The following SGSM3 variants were observed in gnomAD, a reference collection of about 807,000 sequenced individuals.
The protein encoded by SGSM3 is RUN and SH3 containing 3.
A neutral mutation model predicts 100.5 loss-of-function variants in SGSM3; 96 were observed. The observed-to-expected ratio is 0.96, with a 90% CI of 0.81 to 1.13. The LOEUF is 1.13. Among genes scored for constraint, SGSM3 ranks in the 50% most tolerant of loss-of-function variants. The pLI, the probability that SGSM3 is intolerant of heterozygous loss-of-function variation, is 0.00. For synonymous variants in SGSM3, 483 were observed against 422.8 expected (o/e 1.14, Z -1.75); for missense variants, 1,001 against 1,015.8 (o/e 0.99, Z 0.20).
At chr22:40,380,762 CCT>C (rs2047439826) in intron 1 of SGSM3, among the ~76,000 whole-genome samples, 1 of 151,946 alleles carries the variant, frequency 6.6e-6, no homozygotes, top group Admixed American at 6.6e-5. Context: ...ATAGTAAGAC[CCT>C]CTCTACAACA....
chr22:40,409,417 G>A (rs775206839), intron 20 of SGSM3, 45 bp downstream of exon 20: 2 of 1,571,064 alleles, frequency 1.3e-6, no homozygotes, highest in Non-Finnish European at 1.7e-6. Flanking sequence ...GGGTGGGAAG[G>A]GCTAGCTGGG....
At chr22:40,402,038 TG>T in intron 3 of SGSM3, 100 bp from the exon 4 acceptor site, 1 of 883,034 alleles carries the variant, frequency 1.1e-6, no homozygotes, top group Non-Finnish European at 1.9e-6. Context: ...GCCCGAAGGC[TG>T]GGTGGGATTT....
At position 40,409,846 on chromosome 22, in the gene SGSM3, A is replaced by AG; in HGVS notation, c.*88dup. The AG allele has an allele frequency of 6.6e-7, 1 of 1,522,726 alleles. No homozygotes were observed. The highest frequency in any genetic ancestry group is 2.3e-4 in the Middle Eastern group (1 of 4,310). 94.3% of individuals were successfully genotyped at this position (1,522,726 alleles called of 1,614,324 possible). A position where few individuals can be genotyped will look rare whatever the true frequency, so the allele number is the denominator to read the frequency against. On this transcript the variant is annotated 3_prime_UTR_variant, in exon 22 of 22. Coordinates refer to ENST00000248929, the MANE Select transcript of SGSM3 (RefSeq NM_015705.6). ...AGAGCCCAGGGAAGAGCAGCTCCAG[A>AG]GCCCTGGCCGGGGCCGCGGGATATC...
At chr22:40,372,122 C>CTTTTTTTTT (rs58396730) in intron 1 of SGSM3, among the ~76,000 whole-genome samples, 1 of 65,200 alleles carries the variant, frequency 1.5e-5, no homozygotes, top group Non-Finnish European at 2.7e-5. Context: ...TCCCCCCCCC[C>CTTTTTTTTT]TTTTTTTTTT....
intron 1 of SGSM3, among the ~76,000 whole-genome samples, chr22:40,381,823 GGT>G (rs1491186756): frequency 6.6e-6 from 1 of 152,142 alleles, no homozygotes; most frequent in African/African-American, 2.4e-5. Context: ...AGCCAGGCAT[GGT>G]GGTATATGCC....
chr22:40,404,127 G>GT, intron 4 of SGSM3, 120 bp from the exon 5 acceptor site: 1 of 764,030 alleles, frequency 1.3e-6, no homozygotes. Flanking sequence ...TCTGGATATG[G>GT]TGGGAGAGAG....
At chr22:40,376,249 T>C (rs532124721) in intron 1 of SGSM3, 2 of 128,952 alleles carry the variant, frequency 1.6e-5, no homozygotes, top group East Asian at 4.8e-4. Context: ...GCACCAACAA[T>C]GAAGTTCAAC....
rs144203347 is a variant in SGSM3 at position 40,377,306 on chromosome 22, C to G, written c.-112+6618C>G. On this transcript the variant is annotated intron_variant, in intron 1 of 21. Transcript: ENST00000248929. The stretch of plus-strand genomic sequence containing the variant: ...GTTGAATGACACAGTAACAAAAGTT[C>G]AATAAACAGTTGCAGCTCCTTCATC... 9.8e-3 allele frequency among the ~76,000 whole-genome samples: 1,486 copies of G among 152,280 alleles called. 15 individuals are homozygous for G. Among genetic ancestry groups the G allele is most frequent in the South Asian group, 0.025 (119 of 4,822 alleles).
At position 40,409,322 on chromosome 22, in the gene SGSM3, C is replaced by G. The variant is rs759009248; in HGVS notation, c.2061C>G (p.Pro687=). The change falls in exon 20 of 22, where the codon CCC becomes CCG. Residue 687 remains proline (P), a synonymous_variant. Coordinates refer to ENST00000248929, the MANE Select transcript of SGSM3 (RefSeq NM_015705.6). ...CCACCGTGGAGAAGTGGTACCAGCC[C>G]TGGTCCTTCCTGCGCAGCCCGGGCT... The part of the protein sequence containing the change: ...SLPTVEKWYQ[P]WSFLRSPGWV... The G allele has an allele frequency of 2.6e-5, 42 of 1,613,182 alleles. No homozygotes were observed. Among genetic ancestry groups the G allele is most frequent in the Non-Finnish European group, 3.6e-5 (42 of 1,179,888 alleles).
intron 1 of SGSM3, among the ~76,000 whole-genome samples, chr22:40,382,939 A>G (rs981268344): frequency 6.6e-6 from 1 of 152,258 alleles, no homozygotes; most frequent in Non-Finnish European, 1.5e-5. Flanking sequence ...TCTTGCTTCC[A>G]CAGTAACACT....
At chr22:40,395,027 C>T (rs1350127014) in intron 1 of SGSM3, among the ~76,000 whole-genome samples, 6 of 152,216 alleles carry the variant, frequency 3.9e-5, no homozygotes, top group Admixed American at 3.3e-4. Flanking sequence ...TACATTTTCT[C>T]ACTTAACCTC....
At chr22:40,400,512 G>A (rs1415774395) in intron 1 of SGSM3, among the ~76,000 whole-genome samples, 184 bp from the exon 2 acceptor site, 1 of 152,074 alleles carries the variant, frequency 6.6e-6, no homozygotes, top group Non-Finnish European at 1.5e-5. Context: ...GTGTGGTGGT[G>A]CAACCCTGTA....
At chr22:40,373,713 T>G (rs1271433539) in intron 1 of SGSM3, among the ~76,000 whole-genome samples, 1 of 151,942 alleles carries the variant, frequency 6.6e-6, no homozygotes, top group Non-Finnish European at 1.5e-5. Flanking sequence ...CCTCCCGAGT[T>G]CAAGCAGTTC....
intron 1 of SGSM3, among the ~76,000 whole-genome samples, chr22:40,389,120 C>G (rs1342774625): frequency 6.6e-6 from 1 of 151,792 alleles, no homozygotes; most frequent in South Asian, 2.1e-4. Context: ...GAGTCGAAGG[C>G]GCAACATTAA....
At chr22:40,385,021 G>A (rs2048201531) in intron 1 of SGSM3, among the ~76,000 whole-genome samples, 1 of 152,182 alleles carries the variant, frequency 6.6e-6, no homozygotes, top group Non-Finnish European at 1.5e-5. Context: ...TCTGGAGAAA[G>A]AAGAGGCAGT....
In SGSM3 at chr22:40,408,310, G is replaced by A; in HGVS notation, c.1663G>A (p.Gly555Arg). 3 of 1,613,544 alleles carry A rather than the reference G, an allele frequency of 1.9e-6. No individual in the cohort carries two copies. Among genetic ancestry groups the A allele is most frequent in the Non-Finnish European group, 8.5e-7 (1 of 1,179,968 alleles). Reference sequence around the variant, plus strand: ...CGCGGGGGATGACTCGGTGACGGAGGGGGTCACAGACCTCGTGCGAGGGAC... The same window carrying A: ...CGCGGGGGATGACTCGGTGACGGAGAGGGTCACAGACCTCGTGCGAGGGAC... ...SIAGDDSVTEGVTDLVRGTLC... is the reference protein window; with the variant it reads ...SIAGDDSVTERVTDLVRGTLC... The change falls in exon 16 of 22, where the codon GGG becomes AGG. Residue 555 changes from glycine to arginine, a missense_variant. Transcript: ENST00000248929.
chr22:40,406,505 A>C lies in SGSM3; in HGVS notation c.1028A>C (p.Gln343Pro). 3 of 1,612,206 alleles carry C rather than the reference A, an allele frequency of 1.9e-6. No homozygotes were observed. Among genetic ancestry groups the C allele is most frequent in the Non-Finnish European group, 2.5e-6 (3 of 1,179,412 alleles). The change falls in exon 10 of 22, where the codon CAG becomes CCG. Residue 343 changes from glutamine (Q) to proline (P), a missense_variant. Coordinates refer to ENST00000248929, the MANE Select transcript of SGSM3 (RefSeq NM_015705.6). ...AACACGCTATCGGATATCCCGTCGC[A>C]GATGGAGGACGCGGAGCTGCTTCTG... The part of the protein sequence containing the change: ...IFNTLSDIPS[Q>P]MEDAELLLGV...
chr22:40,407,482 A>T lies in SGSM3; in HGVS notation c.1438A>T (p.Ser480Cys). 1 of 1,611,718 alleles carries T rather than the reference A, an allele frequency of 6.2e-7. No individual in the cohort carries two copies. The highest frequency in any genetic ancestry group is 1.6e-4 in the Middle Eastern group (1 of 6,062). Reference protein sequence around the residue: ...DHENYVACSRSHRRRAKALLD... With the variant: ...DHENYVACSRCHRRRAKALLD... The stretch of plus-strand genomic sequence containing the variant: ...CGAGAACTACGTGGCGTGCTCACGC[A>T]GCCACCGGCGCCGAGCCAAGGCCCT... The change falls in exon 13 of 22, where the codon AGC becomes TGC. Residue 480 changes from serine to cysteine, a missense_variant. By Grantham distance (112) the Ser-to-Cys change is moderately radical. Coordinates refer to ENST00000248929, the MANE Select transcript of SGSM3 (RefSeq NM_015705.6). The surrounding 1 kb of genome is among the most constrained non-coding windows in gnomAD (Gnocchi z 4.7).
In SGSM3 at chr22:40,407,017, G is replaced by A. The variant is rs1368556679; in HGVS notation, c.1186G>A (p.Val396Ile). 1 of 1,571,878 alleles carries A rather than the reference G, an allele frequency of 6.4e-7. No homozygotes were observed. Among genetic ancestry groups the A allele is most frequent in the South Asian group, 1.2e-5 (1 of 85,664 alleles). Residue 396 changes from valine to isoleucine, a missense_variant and splice_region_variant, in exon 11 of 22, where the codon GTT (valine) becomes ATT (isoleucine). Val to Ile is a conservative substitution (Grantham distance 29). Coordinates refer to ENST00000248929, the MANE Select transcript of SGSM3 (RefSeq NM_015705.6). The surrounding 1 kb of genome is among the most constrained non-coding windows in gnomAD (Gnocchi z 4.7). ...CCCTGACCCACTCCTCTTGGTGCAG[G>A]TTGTTCGCCGCAGGACCCAGCGGAG... ...GAGTLTNLSQVVRRRTQRRKS... is the reference protein window; with the variant it reads ...GAGTLTNLSQIVRRRTQRRKS...
Sources: allele counts gnomAD v4.1 joint callset (sites outside exome capture counted in the v4.1 genomes callset), GRCh38; gene constraint gnomAD v4.1.1; non-coding constraint Gnocchi (gnomAD v3.1); transcripts MANE v1.5; gene names NCBI Gene and HGNC (gene_info 2026-07-23, HGNC 2026-07-21).